TEAD1: variants seen among roughly 807,000 people sequenced by gnomAD.
TEAD1 encodes TEA domain transcription factor 1, also known as transcriptional enhancer factor TEF-1.
In TEAD1, 9 loss-of-function variants were observed where a neutral mutation model predicts 54.9. The observed-to-expected ratio is 0.16, with a 90% confidence interval of 0.10 to 0.29. TEAD1 has a LOEUF of 0.29. Ranked by LOEUF, TEAD1 falls within the 10% of genes least tolerant of loss-of-function variation. The pLI is 1.00. For missense variants in TEAD1, 387 were observed against 535.9 expected (o/e 0.72, Z 2.74); for synonymous variants, 200 against 187.8 (o/e 1.07, Z -0.53).
chr11:12,942,589 C>G lies in TEAD1; in HGVS notation c.*5367C>G, dbSNP rs1050468394. The G allele has an allele frequency of 2.0e-5, 3 of 152,346 alleles. No homozygotes were observed. In the East Asian group the frequency reaches 5.8e-4, roughly 29 times the overall value. The allele number at this position is 152,346 out of a possible 1,614,324, so 9.4% of individuals were successfully genotyped here. A position where few individuals can be genotyped will look rare whatever the true frequency, so the allele number is the denominator to read the frequency against. Reference sequence around the variant, plus strand: ...ACAGATACTACAGCTTTCTCCTCCTCCTTGTGTTCGTGTTCAGTCTCTGTG... The same window carrying G: ...ACAGATACTACAGCTTTCTCCTCCTGCTTGTGTTCGTGTTCAGTCTCTGTG... On this transcript the variant is annotated 3_prime_UTR_variant, in exon 13 of 13. Transcript: ENST00000527636.
chr11:12,840,522 A>C (rs1250914833), intron 3 of TEAD1, among the ~76,000 whole-genome samples: 1 of 152,158 alleles, frequency 6.6e-6, no homozygotes, highest in Non-Finnish European at 1.5e-5. Flanking sequence ...TCTTTCACTT[A>C]ACTTTTACTC....
chr11:12,805,501 C>T (rs1218172087), intron 3 of TEAD1, among the ~76,000 whole-genome samples: 2 of 152,126 alleles, frequency 1.3e-5, no homozygotes, highest in Non-Finnish European at 2.9e-5. Context: ...ATATCCTAGC[C>T]AATATTAAAG....
At chr11:12,802,660 A>G (rs570252104) in intron 3 of TEAD1, among the ~76,000 whole-genome samples, 1 of 152,230 alleles carries the variant, frequency 6.6e-6, no homozygotes, top group African/African-American at 2.4e-5. Context: ...CCAGGTCAAG[A>G]TGAAGAAAAC....
chr11:12,845,115 C>T (rs983107090), intron 3 of TEAD1, among the ~76,000 whole-genome samples: 10 of 151,922 alleles, frequency 6.6e-5, no homozygotes, highest in Non-Finnish European at 1.5e-4. Flanking sequence ...CAGGCACCCA[C>T]TACCATGCCC....
chr11:12,873,404 A>G (rs1487747174), intron 5 of TEAD1, among the ~76,000 whole-genome samples: 2 of 152,204 alleles, frequency 1.3e-5, no homozygotes, highest in African/African-American at 4.8e-5. Context: ...ACAATCCTTT[A>G]TGATGTGAAG....
In TEAD1 at chr11:12,766,949, C is replaced by T. The variant is rs140836856; in HGVS notation, c.202+2515C>T. On this transcript the variant is annotated intron_variant, in intron 3 of 12. Transcript: ENST00000527636. ...AGCCACCCCCACCTCCAGGCAGCTG[C>T]CTTGGGGAGGAAACATCCCCCCTGA... Among the ~76,000 whole-genome samples, 539 of 152,230 alleles carry T rather than the reference C, an allele frequency of 3.5e-3. 4 individuals are homozygous for T. The highest frequency in any genetic ancestry group is 0.012 in the African/African-American group (512 of 41,550).
intron 5 of TEAD1, chr11:12,878,826 AAAG>A (rs1947908952): frequency 8.8e-7 from 1 of 1,132,548 alleles, no homozygotes; most frequent in Non-Finnish European, 1.2e-6. Context: ...TTTTTTAACC[AAAG>A]AAGAAAAAAA....
intron 3 of TEAD1, among the ~76,000 whole-genome samples, chr11:12,771,192 C>CTGGGGGAGGGGTACA (rs1469994682): frequency 6.6e-6 from 1 of 152,190 alleles, no homozygotes; most frequent in African/African-American, 2.4e-5. Flanking sequence ...AAAATATCTC[C>CTGGGGGAGGGGTACA]TGGGGGAGGG....
intron 10 of TEAD1, among the ~76,000 whole-genome samples, chr11:12,913,736 A>C (rs931093417): frequency 9.2e-5 from 14 of 152,378 alleles, no homozygotes; most frequent in African/African-American, 3.1e-4. Context: ...ATATGTACTG[A>C]AAAAGTATTT....
chr11:12,698,210 G>A (rs1263744552), intron 2 of TEAD1, among the ~76,000 whole-genome samples: 1 of 152,172 alleles, frequency 6.6e-6, no homozygotes, highest in Non-Finnish European at 1.5e-5. Context: ...AAGTGAGGAA[G>A]CGGGGACCGG....
At chr11:12,908,886 T>TTTTGTTTTTTG (rs66615304) in intron 10 of TEAD1, among the ~76,000 whole-genome samples, 10 of 133,972 alleles carry the variant, frequency 7.5e-5, no homozygotes, top group Non-Finnish European at 1.5e-4. Flanking sequence ...ATTATCTGTT[T>TTTTGTTTTTTG]TTTTTTTTTT....
chr11:12,937,256 TACACACACACATATGTGC>T lies in TEAD1; in HGVS notation c.*45_*62del. 1 of 1,419,656 alleles carries T rather than the reference TACACACACACATATGTGC, an allele frequency of 7.0e-7. No homozygotes were observed. The highest frequency in any genetic ancestry group is 9.9e-7 in the Non-Finnish European group (1 of 1,008,360). The allele number at this position is 1,419,656 out of a possible 1,614,324, so 87.9% of individuals were successfully genotyped here. A position where few individuals can be genotyped will look rare whatever the true frequency, so the allele number is the denominator to read the frequency against. On this transcript the variant is annotated 3_prime_UTR_variant, in exon 13 of 13. Transcript: ENST00000527636. ...ATTTATATATATAGATATCTGTATA[TACACACACACATATGTGC>T]ACACACACACTCTCTCTCCATTATC...
At chr11:12,799,718 A>C (rs1946010466) in intron 3 of TEAD1, among the ~76,000 whole-genome samples, 1 of 152,246 alleles carries the variant, frequency 6.6e-6, no homozygotes, top group Non-Finnish European at 1.5e-5. Context: ...ATTTGAACCC[A>C]AGTCCTCTTA....
chr11:12,831,917 T>C (rs1217659561), intron 3 of TEAD1, among the ~76,000 whole-genome samples: 1 of 152,194 alleles, frequency 6.6e-6, no homozygotes, highest in East Asian at 1.9e-4. Flanking sequence ...ATTTGCACTT[T>C]TAATTGATAT....
rs1949153112 is a variant in TEAD1, at chr11:12,940,658, C to G, written c.*3436C>G. The G allele has an allele frequency of 6.6e-6, 1 of 152,194 alleles. No homozygotes were observed. The highest frequency in any genetic ancestry group is 1.5e-5 in the Non-Finnish European group (1 of 68,038). 9.4% of individuals were successfully genotyped at this position (152,194 alleles called of 1,614,324 possible). A position where few individuals can be genotyped will look rare whatever the true frequency, so the allele number is the denominator to read the frequency against. ...TGGTCACCATCATCCCTTTAATCAA[C>G]TCACACCTGTTTAAAGAGTGTTTCT... On this transcript the variant is annotated 3_prime_UTR_variant, in exon 13 of 13. Coordinates refer to ENST00000527636, the MANE Select transcript of TEAD1 (RefSeq NM_021961.6).
At chr11:12,922,970 T>C (rs999487230) in intron 10 of TEAD1, 1 of 118,084 alleles carries the variant, frequency 8.5e-6, no homozygotes, top group African/African-American at 3.1e-5. Context: ...GCACAAAATA[T>C]AAAATCTCAT....
At chr11:12,882,682 C>T (rs1947997074) in intron 8 of TEAD1, among the ~76,000 whole-genome samples, 1 of 152,226 alleles carries the variant, frequency 6.6e-6, no homozygotes, top group African/African-American at 2.4e-5. Flanking sequence ...TGGAAGCATT[C>T]ACTTCTCACT....
At chr11:12,882,221 C>T (rs539371525) in intron 8 of TEAD1, among the ~76,000 whole-genome samples, 1 of 152,302 alleles carries the variant, frequency 6.6e-6, no homozygotes, top group East Asian at 1.9e-4. Context: ...GGATTATCCT[C>T]AGAAGGCGAA....
At chr11:12,781,473 A>T (rs1595855) in intron 3 of TEAD1, among the ~76,000 whole-genome samples, 6,204 of 152,220 alleles carry the variant, frequency 0.041, 439 homozygotes, top group African/African-American at 0.14. Context: ...TGCCATTAAT[A>T]AAAAGATAAC....
Sources: allele counts gnomAD v4.1 joint callset (sites outside exome capture counted in the v4.1 genomes callset), GRCh38; gene constraint gnomAD v4.1.1; transcripts MANE v1.5; gene names NCBI Gene and HGNC (gene_info 2026-07-23, HGNC 2026-07-21).